PCSK5: variants seen among roughly 807,000 people sequenced by gnomAD.
The protein encoded by PCSK5 is proprotein convertase subtilisin/kexin type 5, also known as prohormone convertase 5.
PCSK5 carries 129 observed loss-of-function variants against 233.2 expected under a neutral mutation model. The observed-to-expected ratio is 0.55, with a 90% CI of 0.48 to 0.64. The LOEUF (loss-of-function observed/expected upper bound fraction) is 0.64, where lower values mean the gene tolerates loss of function less well. Among genes scored for constraint, PCSK5 ranks in the 30% least tolerant of loss-of-function variants. The pLI, the probability that PCSK5 is intolerant of heterozygous loss-of-function variation, is 0.00. For missense variants in PCSK5, 2,076 were observed against 2,430.1 expected (o/e 0.85, Z 3.06); for synonymous variants, 825 against 879.2 (o/e 0.94, Z 1.09).
chr9:76,287,863 G>C (rs1253103977), intron 24 of PCSK5: 1 of 210,452 alleles, frequency 4.8e-6, no homozygotes, highest in Non-Finnish European at 1.0e-5. Context: ...GGCTTCTGCA[G>C]GTTCGACATA....
At chr9:75,949,816 G>T (rs543846629) in intron 2 of PCSK5, among the ~76,000 whole-genome samples, 21 of 152,158 alleles carry the variant, frequency 1.4e-4, no homozygotes, top group Non-Finnish European at 2.2e-4. Flanking sequence ...GAGCCACCGC[G>T]CCTGGCCTAA....
At chr9:76,228,706 C>G (rs1296152974) in intron 21 of PCSK5, among the ~76,000 whole-genome samples, 1 of 152,244 alleles carries the variant, frequency 6.6e-6, no homozygotes, top group African/African-American at 2.4e-5. Flanking sequence ...GGCCTCATCA[C>G]TGCCCTGCCC....
chr9:76,037,044 A>G (rs949817585), intron 5 of PCSK5, among the ~76,000 whole-genome samples: 1 of 152,252 alleles, frequency 6.6e-6, no homozygotes, highest in African/African-American at 2.4e-5. Context: ...AACAAGTAAC[A>G]AAGATTATAT....
chr9:76,186,571 T>C (rs1418484435), intron 17 of PCSK5, among the ~76,000 whole-genome samples: 2 of 152,166 alleles, frequency 1.3e-5, no homozygotes, highest in African/African-American at 2.4e-5. Flanking sequence ...AGTACCTGTA[T>C]TTTGGAAGCA....
In PCSK5 at chr9:76,098,413, C is replaced by T. The variant is rs554480420; in HGVS notation, c.1107+2311C>T. Among the ~76,000 whole-genome samples the T allele has an allele frequency of 3.3e-5, 5 of 152,320 alleles. No individual in the cohort carries two copies. In the East Asian group the frequency reaches 7.7e-4, roughly 24 times the overall value. On this transcript the variant is annotated intron_variant, in intron 8 of 37. Transcript: ENST00000674117. ...TGATGCCCCACTGAAATTTTGCCTC[C>T]ATTAGAGAAATGTTATAATCTAGAA...
rs758877750 is a variant in PCSK5, at chr9:76,328,050, T to C, written c.4381T>C (p.Cys1461Arg). 2 of 1,612,684 alleles carry C rather than the reference T, an allele frequency of 1.2e-6. No homozygotes were observed. Among genetic ancestry groups the C allele is most frequent in the South Asian group, 1.1e-5 (1 of 91,076 alleles). The change falls in exon 33 of 38, where the codon TGC becomes CGC. Residue 1461 changes from cysteine (C) to arginine (R), a missense_variant. Coordinates refer to ENST00000674117, the MANE Select transcript of PCSK5 (RefSeq NM_001372043.1). ...CTTGACCTGCTCATCATCTGGGACCTGCACCACCTGTCAGAAAGGCCTGAT... is the reference window on the plus strand; with the variant it reads ...CTTGACCTGCTCATCATCTGGGACCCGCACCACCTGTCAGAAAGGCCTGAT... ...SCLTCSSSGT[C>R]TTCQKGLIMN...
At chr9:76,175,362 C>T (rs1414465084) in intron 14 of PCSK5, 3 of 516,942 alleles carry the variant, frequency 5.8e-6, no homozygotes, top group Non-Finnish European at 1.0e-5. Flanking sequence ...CATATTCTGA[C>T]ATATTTTCTT....
At chr9:76,135,845 A>G (rs930782950) in intron 10 of PCSK5, among the ~76,000 whole-genome samples, 3 of 152,084 alleles carry the variant, frequency 2.0e-5, no homozygotes, top group African/African-American at 7.2e-5. Flanking sequence ...ACCCGAATAA[A>G]TATCTTAGTT....
intron 24 of PCSK5, among the ~76,000 whole-genome samples, chr9:76,263,467 T>C (rs548372836): frequency 5.1e-4 from 78 of 152,322 alleles, no homozygotes; most frequent in African/African-American, 1.8e-3. Context: ...GACGAGTTCG[T>C]GTCCTTTGTA....
intron 9 of PCSK5, among the ~76,000 whole-genome samples, chr9:76,124,571 C>A (rs185282151): frequency 2.6e-5 from 4 of 151,582 alleles, no homozygotes; most frequent in African/African-American, 7.3e-5. Context: ...ATGGTGAAAC[C>A]CCATCTCTAC....
intron 30 of PCSK5, among the ~76,000 whole-genome samples, chr9:76,311,310 C>T (rs1012357347): frequency 6.6e-6 from 1 of 151,222 alleles, no homozygotes; most frequent in African/African-American, 2.4e-5. Context: ...GTGATTGCAC[C>T]ACTGTACTCC....
intron 13 of PCSK5, among the ~76,000 whole-genome samples, chr9:76,172,248 T>C (rs1464027542): frequency 6.6e-6 from 1 of 151,928 alleles, no homozygotes; most frequent in Non-Finnish European, 1.5e-5. Flanking sequence ...AGATTGCATT[T>C]ATGTGTTAGC....
At chr9:75,969,934 T>C (rs1160391784) in intron 2 of PCSK5, among the ~76,000 whole-genome samples, 1 of 150,490 alleles carries the variant, frequency 6.6e-6, no homozygotes, top group Non-Finnish European at 1.5e-5. Context: ...AGTTCAGTGG[T>C]GTGATCTTGG....
intron 11 of PCSK5, 48 bp from the exon 12 acceptor site, chr9:76,158,935 A>T (rs771348306): frequency 6.6e-7 from 1 of 1,507,490 alleles, no homozygotes; most frequent in Non-Finnish European, 9.2e-7. Flanking sequence ...CACTCACCTG[A>T]GCTCTGTGAT....
chr9:76,332,332 C>A, intron 33 of PCSK5, 101 bp from the exon 34 acceptor site: 1 of 763,430 alleles, frequency 1.3e-6, no homozygotes, highest in East Asian at 2.6e-5. Context: ...ATTCCTCCTG[C>A]AGCCCTCTCC....
At position 76,358,754 on chromosome 9, in the gene PCSK5, T is replaced by C. The variant is rs1564201384; in HGVS notation, c.5496T>C (p.Asp1832=). The stretch of plus-strand genomic sequence containing the variant: ...GAGAGAGCACCAGCTTTGAAGAGGA[T>C]CAGGTGATTGAGTACAGGGATCGGG... The part of the protein sequence containing the change: ...SYRESTSFEE[D]QVIEYRDRDY... The change falls in exon 38 of 38, where the codon GAT becomes GAC. Residue 1832 remains aspartate (D), a synonymous_variant. Coordinates refer to ENST00000674117, the MANE Select transcript of PCSK5 (RefSeq NM_001372043.1). The C allele has an allele frequency of 6.2e-7, 1 of 1,612,824 alleles. No homozygotes were observed. The highest frequency in any genetic ancestry group is 8.5e-7 in the Non-Finnish European group (1 of 1,179,876).
Position 76,037,869 on chromosome 9 carries a change from C to T in PCSK5, c.632+10832C>T, listed in dbSNP as rs139127655. Reference sequence around the variant, plus strand: ...TACCTGGAGAATCCCCGCCAATTCTCCTGCATCCCCTCCTTCTCCACTCTC... The same window carrying T: ...TACCTGGAGAATCCCCGCCAATTCTTCTGCATCCCCTCCTTCTCCACTCTC... On this transcript the variant is annotated intron_variant, in intron 5 of 37. Coordinates refer to ENST00000674117, the MANE Select transcript of PCSK5 (RefSeq NM_001372043.1). 3.6e-3 allele frequency among the ~76,000 whole-genome samples: 555 copies of T among 152,282 alleles called. 3 individuals carry two copies. The highest frequency in any genetic ancestry group is 6.8e-3 in the Middle Eastern group (2 of 294).
intron 30 of PCSK5, among the ~76,000 whole-genome samples, chr9:76,319,521 A>C (rs1202806508): frequency 4.6e-5 from 7 of 152,044 alleles, no homozygotes; most frequent in Non-Finnish European, 2.9e-5. Context: ...GTGACCTAGA[A>C]GGCAAGAGGT....
intron 7 of PCSK5, 128 bp downstream of exon 7, chr9:76,072,026 C>T: frequency 2.5e-6 from 2 of 802,724 alleles, no homozygotes; most frequent in Non-Finnish European, 1.9e-6. Flanking sequence ...AGCAGGTAGG[C>T]TAATGGAAAG....
Sources: gnomAD v4.1 joint callset for allele counts (sites outside exome capture counted in the v4.1 genomes callset) on GRCh38, gnomAD v4.1.1 for gene constraint, MANE v1.5 for transcripts, NCBI Gene and HGNC (gene_info 2026-07-23, HGNC 2026-07-21) for gene names.